Variants in DLGAP1 observed in about 807,000 individuals in gnomAD.
DLGAP1 encodes disks large-associated protein 1.
DLGAP1 carries 11 observed loss-of-function variants against 90.8 expected under a neutral mutation model. The ratio of observed to expected loss-of-function variants is 0.12; its 90% confidence interval spans 0.08 to 0.20. DLGAP1 has a LOEUF of 0.20. Among genes scored for constraint, DLGAP1 ranks in the 10% least tolerant of loss-of-function variants. DLGAP1 has a pLI of 1.00. For missense variants in DLGAP1, 1,050 were observed against 1,333.8 expected (o/e 0.79, Z 3.31); for synonymous variants, 558 against 540.7 (o/e 1.03, Z -0.44).
At chr18:3,846,754 T>C (rs1369567956) in intron 4 of DLGAP1, among the ~76,000 whole-genome samples, 2 of 152,170 alleles carry the variant, frequency 1.3e-5, no homozygotes, top group Admixed American at 6.5e-5. Flanking sequence ...GCAGAATCTA[T>C]AGGGACAGAA....
At chr18:3,715,921 A>C (rs2061744561) in intron 7 of DLGAP1, among the ~76,000 whole-genome samples, 1 of 152,232 alleles carries the variant, frequency 6.6e-6, no homozygotes, top group Non-Finnish European at 1.5e-5. Flanking sequence ...AAGAGGGGGA[A>C]AAAAGCCCTA....
In DLGAP1 at chr18:3,521,106, C is replaced by T. The variant is rs141782031; in HGVS notation, c.2480-12445G>A. On this transcript the variant is annotated intron_variant, in intron 10 of 12. Coordinates refer to ENST00000315677, the MANE Select transcript of DLGAP1 (RefSeq NM_004746.4). ...CTCGAATTTGTGACTCCACTGTGTA[C>T]TGACCCCAGACGCTTTAGAGGAGCA... 2.0e-5 allele frequency among the ~76,000 whole-genome samples: 3 copies of T among 152,288 alleles called. No individual in the cohort carries two copies. In the East Asian group the frequency reaches 5.8e-4, roughly 29 times the overall value.
chr18:4,436,169 G>T (rs938761562), intron 1 of DLGAP1, among the ~76,000 whole-genome samples: 1 of 152,126 alleles, frequency 6.6e-6, no homozygotes, highest in Non-Finnish European at 1.5e-5. Context: ...TACTGGTAAT[G>T]ATTTCTTGCT....
At chr18:3,582,582 C>G (rs1242035845) in intron 7 of DLGAP1, among the ~76,000 whole-genome samples, 1 of 152,024 alleles carries the variant, frequency 6.6e-6, no homozygotes, top group African/African-American at 2.4e-5. Context: ...TGTATAGGCA[C>G]ATAGAAAAGG....
chr18:3,876,292 CT>C (rs766729067), intron 4 of DLGAP1, among the ~76,000 whole-genome samples: 7 of 152,164 alleles, frequency 4.6e-5, no homozygotes, highest in African/African-American at 9.7e-5. Context: ...TCTTCCCTTT[CT>C]TTACAGCATC....
intron 4 of DLGAP1, chr18:3,874,185 A>G: frequency 6.5e-7 from 1 of 1,550,174 alleles, no homozygotes; most frequent in South Asian, 1.2e-5. Flanking sequence ...TGAAACTTGC[A>G]CACAAACTGA....
At chr18:3,630,775 G>C (rs56206431) in intron 7 of DLGAP1, among the ~76,000 whole-genome samples, 37,641 of 151,834 alleles carry the variant, frequency 0.25, 6,801 homozygotes, top group African/African-American at 0.51. Context: ...GGCTAATTAT[G>C]AATCTTGATG....
chr18:4,151,819 G>C (rs992771909), intron 1 of DLGAP1, among the ~76,000 whole-genome samples: 3 of 152,152 alleles, frequency 2.0e-5, no homozygotes, highest in African/African-American at 7.2e-5. Flanking sequence ...TGGTGCCTAA[G>C]TCAAGCCACT....
intron 4 of DLGAP1, among the ~76,000 whole-genome samples, chr18:3,861,042 T>C (rs2070019542): frequency 6.6e-6 from 1 of 152,240 alleles, no homozygotes; most frequent in Non-Finnish European, 1.5e-5. Context: ...AATGTTCCAC[T>C]GGACTATAAA....
At chr18:3,909,548 T>C (rs1568294663) in intron 3 of DLGAP1, among the ~76,000 whole-genome samples, 1 of 151,314 alleles carries the variant, frequency 6.6e-6, no homozygotes, top group Non-Finnish European at 1.5e-5. Context: ...CTTTTGATTT[T>C]TTTATTAATT....
intron 8 of DLGAP1, among the ~76,000 whole-genome samples, chr18:3,576,453 G>A (rs1232207620): frequency 6.6e-6 from 1 of 151,624 alleles, no homozygotes; most frequent in South Asian, 2.1e-4. Context: ...TAGAGACTGG[G>A]TTTCACCATC....
At chr18:3,664,208 A>ACC (rs1567923283) in intron 7 of DLGAP1, among the ~76,000 whole-genome samples, 4 of 142,656 alleles carry the variant, frequency 2.8e-5, no homozygotes, top group African/African-American at 1.1e-4. Context: ...ACACACACAC[A>ACC]CACACACACC....
chr18:4,263,038 T>C (rs1044075088), intron 1 of DLGAP1, among the ~76,000 whole-genome samples: 4 of 152,140 alleles, frequency 2.6e-5, no homozygotes, highest in Non-Finnish European at 4.4e-5. Context: ...GTTCAAGCGA[T>C]TCTCCTGCCT....
At chr18:4,207,494 G>A (rs1049637850) in intron 1 of DLGAP1, among the ~76,000 whole-genome samples, 20 of 152,182 alleles carry the variant, frequency 1.3e-4, no homozygotes, top group Admixed American at 2.6e-4. Flanking sequence ...AATGCAGACC[G>A]CAAAGAAGAT....
At position 4,237,726 on chromosome 18, in the gene DLGAP1, G is replaced by T. The variant is rs561591364; in HGVS notation, c.-266-86439C>A. 2.2e-4 allele frequency among the ~76,000 whole-genome samples: 34 copies of T among 151,740 alleles called. No homozygotes were observed. In the South Asian group the frequency reaches 7.1e-3, roughly 32 times the overall value. On this transcript the variant is annotated intron_variant, in intron 1 of 12. Transcript: ENST00000315677. The stretch of plus-strand genomic sequence containing the variant: ...AGGAAGCAATTTTTGCCTGAGTTAT[G>T]AGTAGATTAAATTCAATATGTACAA...
intron 9 of DLGAP1, among the ~76,000 whole-genome samples, chr18:3,536,028 AAAAG>A (rs2052353260): frequency 6.6e-6 from 1 of 152,008 alleles, no homozygotes; most frequent in Admixed American, 6.6e-5. Context: ...CTGTCTCAAA[AAAAG>A]AAAGAAAAGA....
chr18:3,901,608 C>T (rs973647592), intron 3 of DLGAP1, among the ~76,000 whole-genome samples: 2 of 152,080 alleles, frequency 1.3e-5, no homozygotes, highest in Non-Finnish European at 2.9e-5. Context: ...GATCTGACAC[C>T]TGACCCACAG....
intron 1 of DLGAP1, among the ~76,000 whole-genome samples, chr18:4,277,144 G>A (rs1196846970): frequency 1.3e-5 from 2 of 152,138 alleles, no homozygotes; most frequent in Non-Finnish European, 2.9e-5. Flanking sequence ...ATTTTCCTGT[G>A]TATACACGTG....
intron 1 of DLGAP1, among the ~76,000 whole-genome samples, chr18:4,177,774 A>G (rs2077134835): frequency 1.3e-5 from 2 of 152,130 alleles, no homozygotes; most frequent in Non-Finnish European, 2.9e-5. Context: ...AGCTTCATCC[A>G]CTTTGCTGCA....
Sources: gnomAD v4.1 joint callset for allele counts (sites outside exome capture counted in the v4.1 genomes callset) on GRCh38, gnomAD v4.1.1 for gene constraint, MANE v1.5 for transcripts, NCBI Gene and HGNC (gene_info 2026-07-23, HGNC 2026-07-21) for gene names.